Variants in ZFP64 observed in about 807,000 individuals in gnomAD.
ZFP64 encodes ZFP64 zinc finger protein.
In ZFP64, 14 loss-of-function variants were observed where a neutral mutation model predicts 51.6. That is an observed-to-expected ratio of 0.27 (90% CI 0.18 to 0.42). ZFP64 has a LOEUF of 0.42. Among genes scored for constraint, ZFP64 ranks in the 10% least tolerant of loss-of-function variants. ZFP64 has a pLI of 1.00. For missense variants in ZFP64, 754 were observed against 906.8 expected (o/e 0.83, Z 2.16); for synonymous variants, 375 against 361.4 (o/e 1.04, Z -0.43).
chr20:52,177,958 G>T (rs997340964), intron 2 of ZFP64, among the ~76,000 whole-genome samples: 1 of 151,566 alleles, frequency 6.6e-6, no homozygotes, highest in Non-Finnish European at 1.5e-5. Flanking sequence ...CTTGAACCTA[G>T]GAGGCAGAGG....
chr20:52,163,611 T>C (rs1053019545), intron 4 of ZFP64, among the ~76,000 whole-genome samples: 2 of 152,212 alleles, frequency 1.3e-5, no homozygotes, highest in African/African-American at 2.4e-5. Context: ...AAGGCACTTA[T>C]TGGTTATGGC....
intron 5 of ZFP64, among the ~76,000 whole-genome samples, chr20:52,143,281 T>C (rs6021737): frequency 0.44 from 62,352 of 140,954 alleles, 19,386 homozygotes; most frequent in Non-Finnish European, 0.52. Context: ...TACCTTTATA[T>C]AACCCCTGGA....
At chr20:52,164,604 G>T in intron 4 of ZFP64, 91 bp downstream of exon 4, 4 of 1,075,270 alleles carry the variant, frequency 3.7e-6, no homozygotes, top group South Asian at 1.3e-5. Flanking sequence ...GTGACGTTTG[G>T]AGTGGTATCA....
chr20:52,111,981 C>G (rs1978609719), intron 5 of ZFP64, among the ~76,000 whole-genome samples: 1 of 151,024 alleles, frequency 6.6e-6, no homozygotes, highest in Non-Finnish European at 1.5e-5. Flanking sequence ...ACTCAGGAGG[C>G]TGAGGCACGA....
rs1555804640 is a variant in ZFP64 at position 52,142,390 on chromosome 20, A to ACACGCG, written c.763+17732_763+17733insCGCGTG. Among the ~76,000 whole-genome samples, 685 of 148,906 alleles carry ACACGCG rather than the reference A, an allele frequency of 4.6e-3. 10 individuals carry two copies. Among genetic ancestry groups the ACACGCG allele is most frequent in the African/African-American group, 0.015 (614 of 40,474 alleles). On this transcript the variant is annotated intron_variant, in intron 5 of 8. Transcript: ENST00000361387. ...CACACACACACAGACACACACACAC[A>ACACGCG]CACACACACACACACACACACACAC... is the stretch of plus-strand genomic sequence containing the variant.
At chr20:52,163,538 G>C (rs1460351807) in intron 4 of ZFP64, among the ~76,000 whole-genome samples, 1 of 152,102 alleles carries the variant, frequency 6.6e-6, no homozygotes, top group African/African-American at 2.4e-5. Flanking sequence ...TGGATAATTA[G>C]AACAAATCCA....
intron 3 of ZFP64, chr20:52,165,462 G>C (rs1055922764): frequency 8.7e-6 from 4 of 461,988 alleles, no homozygotes; most frequent in African/African-American, 7.9e-5. Context: ...GGGGAATCTA[G>C]ATGAAGGGCA....
intron 5 of ZFP64, among the ~76,000 whole-genome samples, chr20:52,103,894 A>G (rs534995995): frequency 2.5e-4 from 38 of 151,862 alleles, no homozygotes; most frequent in Admixed American, 1.9e-3. Context: ...TCATTAAACT[A>G]CTCCCCTCCA....
chr20:52,117,858 C>T (rs574370436), intron 5 of ZFP64, among the ~76,000 whole-genome samples: 215 of 152,166 alleles, frequency 1.4e-3, no homozygotes, highest in Non-Finnish European at 2.1e-3. Context: ...TACAGTGATG[C>T]GATCACAGCT....
intron 6 of ZFP64, chr20:52,098,341 CAA>C: frequency 3.3e-6 from 5 of 1,529,936 alleles, no homozygotes; most frequent in Non-Finnish European, 4.4e-6. Flanking sequence ...TGTCAGCAAA[CAA>C]GAGTAACATG....
chr20:52,136,096 C>CA (rs71192597), intron 5 of ZFP64, among the ~76,000 whole-genome samples: 19,178 of 37,900 alleles, frequency 0.51, 5,838 homozygotes, highest in East Asian at 0.61. Flanking sequence ...GAGACTCTCT[C>CA]AAAAAAAAAA....
downstream of ZFP64, among the ~76,000 whole-genome samples, chr20:52,149,137 G>A (rs181493381): frequency 3.3e-5 from 5 of 152,244 alleles, no homozygotes; most frequent in Admixed American, 6.5e-5. Context: ...CCATTTTCAC[G>A]CAGCAGAGTG....
At chr20:52,118,773 G>C (rs1006292679) in intron 5 of ZFP64, among the ~76,000 whole-genome samples, 1 of 152,238 alleles carries the variant, frequency 6.6e-6, no homozygotes, top group Non-Finnish European at 1.5e-5. Context: ...GGTTCTCACA[G>C]AGTGGGCAGG....
At chr20:52,094,609 A>G (rs1315775436) in intron 7 of ZFP64, among the ~76,000 whole-genome samples, 1 of 152,172 alleles carries the variant, frequency 6.6e-6, no homozygotes, top group East Asian at 1.9e-4. Flanking sequence ...ATAAAATAAA[A>G]TTAGCTGGGC....
At chr20:52,117,951 G>A (rs1978966918) in intron 5 of ZFP64, among the ~76,000 whole-genome samples, 1 of 151,696 alleles carries the variant, frequency 6.6e-6, no homozygotes, top group African/African-American at 2.4e-5. Flanking sequence ...GCACACCACA[G>A]CACCCAGCAT....
intron 5 of ZFP64, among the ~76,000 whole-genome samples, chr20:52,144,798 A>G (rs1256049037): frequency 6.6e-6 from 1 of 151,986 alleles, no homozygotes; most frequent in Non-Finnish European, 1.5e-5. Context: ...CCAAATGCTA[A>G]AGATATTAAA....
rs61331317 is a variant in ZFP64 at position 52,113,592 on chromosome 20, CTTT to C, written c.764-15008_764-15006del. Reference sequence around the variant, plus strand: ...ACAAGGCACCCGCCACCATACCTGGCTTTTTTTTTTTTTTTCTTTCATTTTTAG... The same window carrying C: ...ACAAGGCACCCGCCACCATACCTGGCTTTTTTTTTTTTCTTTCATTTTTAG... On this transcript the variant is annotated intron_variant, in intron 5 of 8. Coordinates refer to the ZFP64 transcript ENST00000361387. 4.0e-3 allele frequency among the ~76,000 whole-genome samples: 502 copies of C among 126,930 alleles called. 3 individuals are homozygous for C. Among genetic ancestry groups the C allele is most frequent in the African/African-American group, 0.014 (486 of 34,356 alleles). The allele number at this position is 126,930 out of a possible 152,430, so 83.3% of individuals were successfully genotyped here.
intron 1 of ZFP64, among the ~76,000 whole-genome samples, chr20:52,189,563 C>T (rs1192332989): frequency 6.6e-6 from 1 of 151,510 alleles, no homozygotes; most frequent in Admixed American, 6.6e-5. Flanking sequence ...GCAACCTCCG[C>T]CTCCTAGGTT....
intron 5 of ZFP64, among the ~76,000 whole-genome samples, chr20:52,109,635 G>T (rs1199603049): frequency 6.6e-6 from 1 of 151,912 alleles, no homozygotes; most frequent in East Asian, 2.0e-4. Flanking sequence ...ATAAAAATTA[G>T]CTGGGTGTGG....
Sources: allele counts gnomAD v4.1 joint callset (sites outside exome capture counted in the v4.1 genomes callset), GRCh38; gene constraint gnomAD v4.1.1; transcripts MANE v1.5; gene names NCBI Gene and HGNC (gene_info 2026-07-23, HGNC 2026-07-21).